The following DNAJC15 variants were observed in gnomAD, a reference collection of about 807,000 sequenced individuals.
The protein encoded by DNAJC15 is DnaJ heat shock protein family (Hsp40) member C15.
In DNAJC15, 27 loss-of-function variants were observed where a neutral mutation model predicts 22.4. The ratio of observed to expected loss-of-function variants is 1.20; its 90% CI spans 0.89 to 1.66. The LOEUF (loss-of-function observed/expected upper bound fraction) is 1.66, where lower values mean the gene tolerates loss of function less well. DNAJC15 is among the 40% of genes most tolerant of loss of function. DNAJC15 has a pLI of 0.00. For missense variants in DNAJC15, 208 were observed against 187.1 expected, an observed-to-expected ratio of 1.11 and a Z score of -0.65; for synonymous variants, 79 against 63.2, an observed-to-expected ratio of 1.25 and a Z score of -1.19.
intron 1 of DNAJC15, among the ~76,000 whole-genome samples, chr13:43,024,688 C>T (rs1371708596): frequency 6.6e-6 from 1 of 151,752 alleles, no homozygotes; most frequent in African/African-American, 2.4e-5. Flanking sequence ...TGAAGAGAAA[C>T]AGGTGGGTTT....
rs1486515124 is a variant in DNAJC15 at position 43,111,820 on chromosome 13, T to C, written c.*4572T>C. ...TGTCAGCATAGTCCGTCCCTTCTAA[T>C]GGAAAAGCAACCCAAAGAGCAAATC... On this transcript the variant is annotated 3_prime_UTR_variant, in exon 6 of 6. Coordinates refer to ENST00000379221, the MANE Select transcript of DNAJC15 (RefSeq NM_013238.3). 6.6e-6 allele frequency: 1 copy of C among 152,160 alleles called. No homozygotes were observed. The highest frequency in any genetic ancestry group is 1.5e-5 in the Non-Finnish European group (1 of 68,020). 9.4% of individuals were successfully genotyped at this position (152,160 alleles called of 1,614,324 possible).
chr13:43,082,643 A>T (rs1046456201), intron 4 of DNAJC15, among the ~76,000 whole-genome samples: 3 of 152,172 alleles, frequency 2.0e-5, no homozygotes, highest in Non-Finnish European at 2.9e-5. Flanking sequence ...GGACCTCAGT[A>T]TGCATAATGC....
chr13:43,060,015 G>A (rs2153440617), intron 1 of DNAJC15, among the ~76,000 whole-genome samples: 1 of 152,336 alleles, frequency 6.6e-6, no homozygotes, highest in East Asian at 1.9e-4. Context: ...TTCTTTTGAG[G>A]ATCTTCAGTT....
intron 1 of DNAJC15, among the ~76,000 whole-genome samples, chr13:43,025,919 AC>A (rs2040378745): frequency 6.6e-6 from 1 of 152,234 alleles, no homozygotes; most frequent in Admixed American, 6.5e-5. Flanking sequence ...AAAGAAAATA[AC>A]ATGTTAACAT....
intron 1 of DNAJC15, among the ~76,000 whole-genome samples, chr13:43,055,747 T>G (rs1397523443): frequency 6.6e-6 from 1 of 152,224 alleles, no homozygotes; most frequent in African/African-American, 2.4e-5. Context: ...TCTCTGATCC[T>G]TCTTTCTATT....
At chr13:43,034,160 TA>T (rs973054024) in intron 1 of DNAJC15, among the ~76,000 whole-genome samples, 9 of 152,054 alleles carry the variant, frequency 5.9e-5, no homozygotes, top group Non-Finnish European at 1.2e-4. Flanking sequence ...TTCTTAACTG[TA>T]AACTTTATTT....
At chr13:43,065,654 A>G (rs1157622752) in intron 1 of DNAJC15, 32 bp from the exon 2 acceptor site, 5 of 1,572,264 alleles carry the variant, frequency 3.2e-6, no homozygotes, top group African/African-American at 1.3e-5. Flanking sequence ...AGCATGTTAC[A>G]TCATAAGTAA....
At chr13:43,041,108 C>T (rs924282116) in intron 1 of DNAJC15, among the ~76,000 whole-genome samples, 6 of 152,086 alleles carry the variant, frequency 3.9e-5, no homozygotes, top group Non-Finnish European at 5.9e-5. Flanking sequence ...GGCTGGGGGA[C>T]GGTCAGGTCT....
chr13:43,083,608 C>T (rs1469519877), intron 4 of DNAJC15, among the ~76,000 whole-genome samples: 1 of 152,002 alleles, frequency 6.6e-6, no homozygotes, highest in Non-Finnish European at 1.5e-5. Context: ...CACAGAGCAC[C>T]TGTGTAGCAA....
intron 5 of DNAJC15, among the ~76,000 whole-genome samples, chr13:43,094,172 G>A (rs1006516031): frequency 2.6e-5 from 4 of 152,114 alleles, no homozygotes; most frequent in African/African-American, 9.7e-5. Context: ...AAATCTATTG[G>A]TCTATCTTTT....
At chr13:43,035,771 TGTACAGTGGC>T (rs2040426063) in intron 1 of DNAJC15, among the ~76,000 whole-genome samples, 1 of 152,096 alleles carries the variant, frequency 6.6e-6, no homozygotes, top group Admixed American at 6.5e-5. Flanking sequence ...CCCAGGCTGG[TGTACAGTGGC>T]GTGATCATAG....
chr13:43,088,759 G>C (rs1261972039), intron 5 of DNAJC15, among the ~76,000 whole-genome samples: 1 of 151,518 alleles, frequency 6.6e-6, no homozygotes, highest in African/African-American at 2.4e-5. Flanking sequence ...ATTTAAAAAT[G>C]TGTTCTAAAT....
chr13:43,078,412 A>G (rs1183328541), intron 3 of DNAJC15, among the ~76,000 whole-genome samples, 200 bp from the exon 4 acceptor site: 1 of 152,192 alleles, frequency 6.6e-6, no homozygotes, highest in Non-Finnish European at 1.5e-5. Context: ...TTAAAGTGAA[A>G]AAAAGTTAGT....
chr13:43,048,881 AC>A (rs1280328565), intron 1 of DNAJC15, among the ~76,000 whole-genome samples: 2 of 151,896 alleles, frequency 1.3e-5, no homozygotes, highest in Non-Finnish European at 2.9e-5. Context: ...AATGTTAGCT[AC>A]TTTTTTAAGC....
chr13:43,024,921 TGTG>T (rs2040373832), intron 1 of DNAJC15, among the ~76,000 whole-genome samples: 1 of 103,760 alleles, frequency 9.6e-6, no homozygotes, highest in African/African-American at 3.4e-5. Context: ...ATTAGCTGGG[TGTG>T]GTGGTGTGAG....
intron 1 of DNAJC15, among the ~76,000 whole-genome samples, chr13:43,055,190 G>A (rs1180523433): frequency 2.0e-5 from 3 of 151,748 alleles, no homozygotes; most frequent in Non-Finnish European, 1.5e-5. Context: ...GCAAAAGAAG[G>A]CATCACAGAC....
intron 1 of DNAJC15, among the ~76,000 whole-genome samples, chr13:43,057,812 C>T (rs1430418685): frequency 6.6e-6 from 1 of 152,168 alleles, no homozygotes; most frequent in East Asian, 1.9e-4. Flanking sequence ...TGGTGCACTC[C>T]CCCTTCCTCT....
chr13:43,034,400 C>G (rs2040418494), intron 1 of DNAJC15, among the ~76,000 whole-genome samples: 1 of 139,902 alleles, frequency 7.1e-6, no homozygotes, highest in African/African-American at 2.7e-5. Context: ...ACTTCAAGCT[C>G]TGCCTCCCGG....
chr13:43,072,100 T>C (rs2040612146), intron 3 of DNAJC15, among the ~76,000 whole-genome samples: 1 of 152,198 alleles, frequency 6.6e-6, no homozygotes, highest in African/African-American at 2.4e-5. Flanking sequence ...GGTGGTCTTA[T>C]TATTCTTATT....
Sources: allele counts gnomAD v4.1 joint callset (sites outside exome capture counted in the v4.1 genomes callset), GRCh38; gene constraint gnomAD v4.1.1; transcripts MANE v1.5; gene names NCBI Gene and HGNC (gene_info 2026-07-23, HGNC 2026-07-21).